The following AHCY variants were observed in gnomAD, a reference collection of about 807,000 sequenced individuals.
AHCY encodes adenosylhomocysteinase, also known as S-adenosyl-L-homocysteine hydrolase.
AHCY carries 24 observed loss-of-function variants against 45.4 expected under a neutral mutation model. The observed-to-expected ratio is 0.53, with a 90% CI of 0.38 to 0.74. The LOEUF is 0.74. Among genes scored for constraint, AHCY ranks in the 30% least tolerant of loss-of-function variants. The pLI, the probability that AHCY is intolerant of heterozygous loss-of-function variation, is 0.00. For synonymous variants in AHCY, 245 were observed against 235.1 expected, an observed-to-expected ratio of 1.04 and a Z score of -0.39; for missense variants, 449 against 594.1, an observed-to-expected ratio of 0.76 and a Z score of 2.54.
intron 9 of AHCY, among the ~76,000 whole-genome samples, chr20:34,284,548 G>A (rs2036107365): frequency 6.6e-6 from 1 of 152,140 alleles, no homozygotes; most frequent in African/African-American, 2.4e-5. Context: ...AACCCACCCA[G>A]TTATTTTTTA....
the AHCY span, among the ~76,000 whole-genome samples, chr20:34,235,862 AAGGAAAGGAAGG>A: frequency 8.9e-3 from 490 of 54,860 alleles, 23 homozygotes; most frequent in Middle Eastern, 0.031. Context: ...GGAAGGAAGG[AAGGAAAGGAAGG>A]AAGGAAGGAA....
At chr20:34,282,534 A>G (rs2122716974) in intron 9 of AHCY, among the ~76,000 whole-genome samples, 1 of 152,314 alleles carries the variant, frequency 6.6e-6, no homozygotes, top group Middle Eastern at 3.4e-3. Flanking sequence ...TAACTGATAC[A>G]CTGGTTTGAA....
At chr20:34,263,617 G>A in the AHCY span, among the ~76,000 whole-genome samples, 2 of 128,120 alleles carry the variant, frequency 1.6e-5, no homozygotes, top group Non-Finnish European at 3.0e-5. Flanking sequence ...TTGAACACAT[G>A]TGTTTGAACT....
intron 2 of AHCY, among the ~76,000 whole-genome samples, chr20:34,294,657 TG>T (rs1329085240): frequency 6.6e-6 from 1 of 152,008 alleles, no homozygotes; most frequent in Non-Finnish European, 1.5e-5. Flanking sequence ...GGGAAGGCTT[TG>T]GGAAGAAGAG....
chr20:34,235,880 A>AG, the AHCY span, among the ~76,000 whole-genome samples: 160 of 98,792 alleles, frequency 1.6e-3, 2 homozygotes, highest in South Asian at 4.9e-3. Flanking sequence ...GAAGGAAGGA[A>AG]GGAAGGAAGG....
At chr20:34,257,056 C>G in the AHCY span, among the ~76,000 whole-genome samples, 3 of 136,684 alleles carry the variant, frequency 2.2e-5, no homozygotes, top group Non-Finnish European at 4.6e-5. Context: ...TTCTTTCTCT[C>G]TCTCTTTCTT....
the AHCY span, among the ~76,000 whole-genome samples, chr20:34,269,946 TAAAAAAAAAAAAAAAAAAAAAA>T: frequency 6.8e-5 from 4 of 59,236 alleles, no homozygotes; most frequent in Non-Finnish European, 1.2e-4. Flanking sequence ...AACTCTGTCT[TAAAAAAAAAAAAAAAAAAAAAA>T]AAAAAAAAAA....
intron 1 of AHCY, chr20:34,302,001 T>A: frequency 3.3e-6 from 3 of 901,618 alleles, no homozygotes; most frequent in Non-Finnish European, 3.8e-6. Context: ...TGTCTTTTTT[T>A]GTTTGTTTTT....
At chr20:34,235,928 AAGC>A in the AHCY span, among the ~76,000 whole-genome samples, 16 of 90,880 alleles carry the variant, frequency 1.8e-4, 2 homozygotes, top group African/African-American at 2.0e-3. Context: ...GGAAGGAAGG[AAGC>A]GGGAGGGAGG....
At chr20:34,304,574 C>G (rs1294601674), upstream of AHCY, among the ~76,000 whole-genome samples, 1 of 151,166 alleles carries the variant, frequency 6.6e-6, no homozygotes, top group African/African-American at 2.4e-5. Context: ...CACTGGAGTG[C>G]AGTGGCACCA....
chr20:34,298,414 T>C (rs779225030), intron 1 of AHCY, among the ~76,000 whole-genome samples: 1 of 151,784 alleles, frequency 6.6e-6, no homozygotes. Context: ...GGGGACATAG[T>C]GAGGTGTGAC....
chr20:34,234,276 T>A, the AHCY span, among the ~76,000 whole-genome samples: 9 of 152,302 alleles, frequency 5.9e-5, no homozygotes, highest in African/African-American at 1.9e-4. Context: ...AATCTGCCAG[T>A]CTGTAATCTT....
At chr20:34,260,595 T>G in the AHCY span, 3 of 1,494,508 alleles carry the variant, frequency 2.0e-6, no homozygotes, top group Non-Finnish European at 2.7e-6. Context: ...TCAAGCATGC[T>G]TCCCAGGGTG....
the AHCY span, among the ~76,000 whole-genome samples, chr20:34,251,546 T>C: frequency 3.9e-5 from 6 of 152,128 alleles, no homozygotes; most frequent in East Asian, 3.9e-4. Context: ...AGTGCTGGGA[T>C]TACAGGCATG....
the AHCY span, among the ~76,000 whole-genome samples, chr20:34,242,956 T>C: frequency 1.3e-5 from 2 of 152,236 alleles, no homozygotes; most frequent in African/African-American, 2.4e-5. Flanking sequence ...AAAACCAATA[T>C]AGTACCCACT....
Position 34,295,485 on chromosome 20 carries a change from C to T in AHCY, c.129G>A (p.Lys43=). 2 of 1,614,100 alleles carry T rather than the reference C, an allele frequency of 1.2e-6. No homozygotes were observed. Among genetic ancestry groups the T allele is most frequent in the Non-Finnish European group, 1.7e-6 (2 of 1,180,032 alleles). Reference sequence around the variant, plus strand: ...CAGCGATGCGGGCGCCCTTCAGTGGCTTGGAGGCCGAGTACCGCTCCCGCA... The same window carrying T: ...CAGCGATGCGGGCGCCCTTCAGTGGTTTGGAGGCCGAGTACCGCTCCCGCA... ...MRMRERYSAS[K]PLKGARIAGC... is the part of the protein sequence containing the mutation. Residue 43 remains lysine (K), a synonymous_variant, in exon 2 of 10, where the codon AAG becomes AAA. Transcript: ENST00000217426.
In AHCY at chr20:34,303,323, G is replaced by C. The variant is rs903506350; in HGVS notation, c.-53C>G. 2.6e-6 allele frequency: 4 copies of C among 1,551,222 alleles called. No individual in the cohort carries two copies. The highest frequency in any genetic ancestry group is 2.4e-5 in the East Asian group (1 of 40,924). On this transcript the variant is annotated 5_prime_UTR_variant, in exon 1 of 10. Transcript: ENST00000217426. ...CGAAGGGGGCTGGGCCTCAGTCTGG[G>C]AACAGGAACTGGGCGGGCAGCGCCG...
chr20:34,295,262 G>A (rs2036534050), intron 2 of AHCY, 133 bp downstream of exon 2: 2 of 1,073,018 alleles, frequency 1.9e-6, no homozygotes, highest in Non-Finnish European at 2.8e-6. Flanking sequence ...GAAACCGAGT[G>A]AGAGGGAGGA....
intron 9 of AHCY, chr20:34,281,689 GAC>G (rs2036007238): frequency 5.0e-6 from 1 of 201,736 alleles, no homozygotes; most frequent in East Asian, 1.2e-4. Context: ...TTTTTTTTGT[GAC>G]AGAGTCTCAT....
Sources: allele counts gnomAD v4.1 joint callset (sites outside exome capture counted in the v4.1 genomes callset), GRCh38; gene constraint gnomAD v4.1.1; transcripts MANE v1.5; gene names NCBI Gene and HGNC (gene_info 2026-07-23, HGNC 2026-07-21).